ANK2: variants seen among roughly 807,000 people sequenced by gnomAD.
ANK2 encodes the protein ankyrin 2.
In ANK2, 83 loss-of-function variants were observed where a neutral mutation model predicts 360.5. The observed-to-expected ratio is 0.23, with a 90% CI of 0.19 to 0.28. The LOEUF (loss-of-function observed/expected upper bound fraction) is 0.28, where lower values mean the gene tolerates loss of function less well. ANK2 is among the 10% of genes least tolerant of loss of function. The pLI, the probability that ANK2 is intolerant of heterozygous loss-of-function variation, is 1.00. For missense variants in ANK2, 4,201 were observed against 4,795.7 expected, an observed-to-expected ratio of 0.88 and a Z score of 3.66; for synonymous variants, 1,740 against 1,759.5, an observed-to-expected ratio of 0.99 and a Z score of 0.28.
chr4:112,882,489 T>C (rs1037182573), intron 1 of ANK2, among the ~76,000 whole-genome samples: 9 of 152,098 alleles, frequency 5.9e-5, no homozygotes, highest in Non-Finnish European at 1.3e-4. Context: ...GAATTCTGAA[T>C]GATGTTTACT....
At chr4:112,765,620 A>G in the ANK2 span, among the ~76,000 whole-genome samples, 25 of 149,426 alleles carry the variant, frequency 1.7e-4, no homozygotes, top group East Asian at 4.9e-3. Context: ...TTATAATACT[A>G]CATACCACTG....
intron 1 of ANK2, chr4:112,827,090 A>G: frequency 8.8e-7 from 1 of 1,133,192 alleles, no homozygotes; most frequent in African/African-American, 1.5e-5. Context: ...ACACAGGAAA[A>G]ATTATGAAGC....
chr4:112,889,222 G>A (rs2079239315), intron 1 of ANK2, among the ~76,000 whole-genome samples: 1 of 150,786 alleles, frequency 6.6e-6, no homozygotes, highest in Admixed American at 6.6e-5. Flanking sequence ...TAGCTGTTGG[G>A]GTCACTCATT....
chr4:113,047,491 G>C (rs2064907298), upstream of ANK2, among the ~76,000 whole-genome samples: 1 of 152,144 alleles, frequency 6.6e-6, no homozygotes, highest in Admixed American at 6.5e-5. Flanking sequence ...ATGTGTCCAA[G>C]CTGAGGCTGC....
intron 1 of ANK2, among the ~76,000 whole-genome samples, chr4:112,894,751 G>T (rs1361847640): frequency 1.3e-5 from 2 of 152,088 alleles, no homozygotes; most frequent in African/African-American, 4.8e-5. Context: ...GGCTATTTCA[G>T]CTTGATTTTA....
the ANK2 span, among the ~76,000 whole-genome samples, chr4:112,778,032 C>T: frequency 3.3e-5 from 5 of 151,746 alleles, no homozygotes; most frequent in Admixed American, 6.6e-5. Context: ...TGCAATGGCG[C>T]GATCTCGGCT....
chr4:113,020,672 A>G (rs890472199), intron 2 of ANK2, among the ~76,000 whole-genome samples: 1 of 152,154 alleles, frequency 6.6e-6, no homozygotes, highest in Non-Finnish European at 1.5e-5. Flanking sequence ...TACTAAAAAT[A>G]CAAAATAGCC....
At chr4:113,246,021 C>A (rs2042688776) in intron 9 of ANK2, among the ~76,000 whole-genome samples, 1 of 152,170 alleles carries the variant, frequency 6.6e-6, no homozygotes, top group South Asian at 2.1e-4. Context: ...GTCTCAAACT[C>A]CTGACCTCAG....
At chr4:113,021,672 A>G (rs543703641) in intron 2 of ANK2, among the ~76,000 whole-genome samples, 2 of 150,018 alleles carry the variant, frequency 1.3e-5, no homozygotes, top group South Asian at 4.2e-4. Flanking sequence ...AGTATTTATG[A>G]TTCATTGAAT....
At chr4:113,050,750 G>A (rs1240187557) in intron 1 of ANK2, among the ~76,000 whole-genome samples, 1 of 152,094 alleles carries the variant, frequency 6.6e-6, no homozygotes, top group Non-Finnish European at 1.5e-5. Flanking sequence ...AACATTAGAT[G>A]GTTTTGGATT....
intron 1 of ANK2, chr4:112,826,861 A>T: frequency 6.9e-7 from 1 of 1,458,800 alleles, no homozygotes; most frequent in Non-Finnish European, 9.6e-7. Context: ...AGGGATGAAG[A>T]TGACATCAAT....
the ANK2 span, among the ~76,000 whole-genome samples, chr4:112,736,464 CAAAA>C: frequency 7.8e-6 from 1 of 127,576 alleles, no homozygotes; most frequent in Non-Finnish European, 1.7e-5. Context: ...GACTCCGTCT[CAAAA>C]AAAAAAAAAA....
intron 2 of ANK2, among the ~76,000 whole-genome samples, chr4:112,976,474 T>C (rs1204013148): frequency 6.6e-6 from 1 of 152,196 alleles, no homozygotes; most frequent in African/African-American, 2.4e-5. Flanking sequence ...ATTACAGGCG[T>C]GAGCCGTGGC....
At chr4:112,821,384 T>C (rs2056979498) in intron 1 of ANK2, among the ~76,000 whole-genome samples, 1 of 152,232 alleles carries the variant, frequency 6.6e-6, no homozygotes, top group African/African-American at 2.4e-5. Context: ...AATTAAGTTC[T>C]GTTTTCTTAG....
intron 2 of ANK2, among the ~76,000 whole-genome samples, chr4:112,927,099 G>C (rs918197774): frequency 8.5e-5 from 13 of 152,118 alleles, no homozygotes; most frequent in African/African-American, 3.1e-4. Flanking sequence ...GCCTGGGGAG[G>C]GAACCACCCC....
At chr4:112,934,330 TGG>T (rs2093541112) in intron 2 of ANK2, among the ~76,000 whole-genome samples, 1 of 152,162 alleles carries the variant, frequency 6.6e-6, no homozygotes, top group Non-Finnish European at 1.5e-5. Context: ...ACCTCGAGGT[TGG>T]ATCCAGCTGA....
chr4:112,903,003 A>C lies in ANK2; in HGVS notation c.-39-1452A>C, dbSNP rs550314562. Among the ~76,000 whole-genome samples the C allele has an allele frequency of 2.0e-5, 3 of 152,326 alleles. No individual in the cohort carries two copies. The East Asian group carries it at 5.8e-4, about 29-fold the overall frequency. Reference sequence around the variant, plus strand: ...TGACACTTCCTTGACTCCATCCATAATAGCTCTAAATATTAATGGTTCACA... The same window carrying C: ...TGACACTTCCTTGACTCCATCCATACTAGCTCTAAATATTAATGGTTCACA... On this transcript the variant is annotated intron_variant, in intron 1 of 30. Transcript: ENST00000503271.
At chr4:113,227,180 G>A (rs10488903) in intron 4 of ANK2, among the ~76,000 whole-genome samples, 1 of 152,212 alleles carries the variant, frequency 6.6e-6, no homozygotes, top group African/African-American at 2.4e-5. Flanking sequence ...TTAAATACCA[G>A]TAAGTTAAGA....
At chr4:113,057,954 G>T (rs1278514234) in intron 1 of ANK2, among the ~76,000 whole-genome samples, 1 of 152,072 alleles carries the variant, frequency 6.6e-6, no homozygotes, top group African/African-American at 2.4e-5. Flanking sequence ...AGTCCACTTT[G>T]CAGGCTGACT....
Sources: gnomAD v4.1 joint callset for allele counts (sites outside exome capture counted in the v4.1 genomes callset) on GRCh38, gnomAD v4.1.1 for gene constraint, MANE v1.5 for transcripts, NCBI Gene and HGNC (gene_info 2026-07-23, HGNC 2026-07-21) for gene names.